PRKG1: variants seen among roughly 807,000 people sequenced by gnomAD.
The protein encoded by PRKG1 is protein kinase cGMP-dependent 1.
Under a neutral mutation model 88.1 loss-of-function variants are expected in PRKG1, and 35 were observed. The observed-to-expected ratio is 0.40, with a 90% CI of 0.30 to 0.53. The LOEUF (loss-of-function observed/expected upper bound fraction) is 0.53, where lower values mean the gene tolerates loss of function less well. Ranked by LOEUF, PRKG1 falls within the 20% of genes least tolerant of loss-of-function variation. PRKG1 has a pLI of 0.59. For synonymous variants in PRKG1, 303 were observed against 292.5 expected, an observed-to-expected ratio of 1.04 and a Z score of -0.37; for missense variants, 540 against 839.8, an observed-to-expected ratio of 0.64 and a Z score of 4.41.
chr10:51,651,390 G>A (rs981795044), intron 3 of PRKG1, among the ~76,000 whole-genome samples: 7 of 151,984 alleles, frequency 4.6e-5, no homozygotes, highest in African/African-American at 1.7e-4. Flanking sequence ...TGCCTATGGT[G>A]GGATGCCCTT....
chr10:52,204,169 C>T (rs751618877), intron 9 of PRKG1, among the ~76,000 whole-genome samples: 42 of 151,908 alleles, frequency 2.8e-4, no homozygotes, highest in African/African-American at 7.7e-4. Context: ...GGCATAATCT[C>T]GGCTTACTGC....
At chr10:51,710,430 A>G (rs1383120430) in intron 3 of PRKG1, among the ~76,000 whole-genome samples, 2 of 152,158 alleles carry the variant, frequency 1.3e-5, no homozygotes, top group Non-Finnish European at 2.9e-5. Flanking sequence ...TACATACTGA[A>G]GATAGGGATT....
At chr10:51,244,548 C>T (rs964969361) in intron 2 of PRKG1, among the ~76,000 whole-genome samples, 1 of 151,882 alleles carries the variant, frequency 6.6e-6, no homozygotes, top group Non-Finnish European at 1.5e-5. Flanking sequence ...CCAAAGGCCC[C>T]GTTTTAATTG....
At chr10:51,168,677 T>G (rs189564985) in intron 2 of PRKG1, among the ~76,000 whole-genome samples, 167 of 152,288 alleles carry the variant, frequency 1.1e-3, no homozygotes, top group Non-Finnish European at 2.0e-3. Context: ...ATGTGATTAG[T>G]TTAAGGTTCA....
chr10:51,564,254 A>G (rs572027466), intron 3 of PRKG1, among the ~76,000 whole-genome samples: 3 of 152,162 alleles, frequency 2.0e-5, no homozygotes, highest in South Asian at 2.1e-4. Context: ...TTTTTCTCAC[A>G]TATGTACTAA....
At chr10:51,206,951 CTTA>C (rs1458637764) in intron 2 of PRKG1, among the ~76,000 whole-genome samples, 1 of 152,064 alleles carries the variant, frequency 6.6e-6, no homozygotes, top group Non-Finnish European at 1.5e-5. Flanking sequence ...TTTCAGTTTT[CTTA>C]TTGGAAAATG....
At chr10:51,790,355 C>T (rs1331783986) in intron 3 of PRKG1, among the ~76,000 whole-genome samples, 1 of 152,238 alleles carries the variant, frequency 6.6e-6, no homozygotes, top group South Asian at 2.1e-4. Flanking sequence ...CATTAAAAGA[C>T]ATAAATGAAT....
intron 2 of PRKG1, among the ~76,000 whole-genome samples, chr10:51,318,617 G>C (rs1243418367): frequency 6.6e-6 from 1 of 152,126 alleles, no homozygotes; most frequent in East Asian, 1.9e-4. Context: ...TGCAGAGTAG[G>C]GAAAGCAGAG....
intron 4 of PRKG1, among the ~76,000 whole-genome samples, chr10:51,823,981 C>A (rs1192886928): frequency 2.1e-5 from 3 of 143,886 alleles, no homozygotes; most frequent in Non-Finnish European, 3.0e-5. Context: ...TCAAGCAAAT[C>A]TTCTGCCTCA....
chr10:51,836,081 TC>T (rs1358874209), intron 4 of PRKG1, among the ~76,000 whole-genome samples: 1 of 152,048 alleles, frequency 6.6e-6, no homozygotes, highest in African/African-American at 2.4e-5. Context: ...ACAATCCTTA[TC>T]AAAAAGAATT....
intron 3 of PRKG1, among the ~76,000 whole-genome samples, chr10:51,738,651 C>G (rs1161781381): frequency 6.6e-6 from 1 of 150,806 alleles, no homozygotes; most frequent in African/African-American, 2.5e-5. Context: ...AATGAGCTGA[C>G]TGGGCTCTAA....
Position 51,051,278 on chromosome 10 carries a change from A to T in PRKG1, c.266+59634A>T, listed in dbSNP as rs112555111. Among the ~76,000 whole-genome samples, 126 of 152,130 alleles carry T rather than the reference A, an allele frequency of 8.3e-4. 1 individual carries two copies. Among genetic ancestry groups the T allele is most frequent in the African/African-American group, 2.7e-3 (114 of 41,536 alleles). ...ATTTTCCCCTATGCTTTCTTCTAAGAGTTTTATCACTTCATGTTTTACATT... is the reference window on the plus strand; with the variant it reads ...ATTTTCCCCTATGCTTTCTTCTAAGTGTTTTATCACTTCATGTTTTACATT... On this transcript the variant is annotated intron_variant, in intron 1 of 17. Coordinates refer to the PRKG1 transcript ENST00000401604.
At chr10:51,700,880 G>A (rs1034863504) in intron 3 of PRKG1, among the ~76,000 whole-genome samples, 1 of 152,032 alleles carries the variant, frequency 6.6e-6, no homozygotes, top group African/African-American at 2.4e-5. Flanking sequence ...AATAAATTGT[G>A]TTCTAAATAA....
chr10:51,628,028 T>C (rs10998559), intron 3 of PRKG1, among the ~76,000 whole-genome samples: 8 of 138,796 alleles, frequency 5.8e-5, no homozygotes, highest in Admixed American at 2.2e-4. Flanking sequence ...CTTTCTTTCT[T>C]TCTTTCTTTC....
At chr10:51,085,887 G>A (rs1447974746) in intron 1 of PRKG1, among the ~76,000 whole-genome samples, 2 of 152,088 alleles carry the variant, frequency 1.3e-5, no homozygotes, top group Non-Finnish European at 2.9e-5. Context: ...AAGAAAGAAT[G>A]CTATAACTTT....
chr10:51,063,344 G>A (rs371328804), intron 1 of PRKG1, among the ~76,000 whole-genome samples: 3 of 151,988 alleles, frequency 2.0e-5, no homozygotes, highest in African/African-American at 7.3e-5. Flanking sequence ...AAACCTAGAT[G>A]GTATATAGCC....
At chr10:51,240,643 A>G (rs1839127262) in intron 2 of PRKG1, among the ~76,000 whole-genome samples, 1 of 152,218 alleles carries the variant, frequency 6.6e-6, no homozygotes, top group Non-Finnish European at 1.5e-5. Flanking sequence ...TTGAAGAAAT[A>G]CTTCCAGATC....
At chr10:51,349,468 G>GTGTATA (rs35310576) in intron 2 of PRKG1, among the ~76,000 whole-genome samples, 1 of 149,572 alleles carries the variant, frequency 6.7e-6, no homozygotes, top group African/African-American at 2.5e-5. Flanking sequence ...GTGTGTGTGT[G>GTGTATA]TGTGTGTGTG....
intron 3 of PRKG1, among the ~76,000 whole-genome samples, chr10:51,610,678 C>T (rs530414317): frequency 6.6e-6 from 1 of 152,178 alleles, no homozygotes; most frequent in East Asian, 1.9e-4. Flanking sequence ...TACATAAACA[C>T]TGTGGAACGC....
Sources: gnomAD v4.1 joint callset for allele counts (sites outside exome capture counted in the v4.1 genomes callset) on GRCh38, gnomAD v4.1.1 for gene constraint, MANE v1.5 for transcripts, NCBI Gene and HGNC (gene_info 2026-07-23, HGNC 2026-07-21) for gene names.